Variants in BBX observed in about 807,000 individuals in gnomAD.
BBX encodes the protein HMG box transcription factor BBX.
In BBX, 30 loss-of-function variants were observed where a neutral mutation model predicts 100.2. That is an observed-to-expected ratio of 0.30 (90% CI 0.22 to 0.41). The LOEUF (loss-of-function observed/expected upper bound fraction) is 0.41, where lower values mean the gene tolerates loss of function less well. BBX is among the 10% of genes least tolerant of loss of function. The pLI, the probability that BBX is intolerant of heterozygous loss-of-function variation, is 1.00. For synonymous variants in BBX, 376 were observed against 388.1 expected, an observed-to-expected ratio of 0.97 and a Z score of 0.37; for missense variants, 1,023 against 1,129.8, an observed-to-expected ratio of 0.91 and a Z score of 1.35.
intron 2 of BBX, among the ~76,000 whole-genome samples, chr3:107,584,840 C>T (rs574201142): frequency 3.6e-4 from 54 of 151,490 alleles, no homozygotes; most frequent in Non-Finnish European, 7.4e-4. Context: ...TACAGGCATG[C>T]GCAACCACAC....
chr3:107,553,452 C>G (rs988301705), intron 2 of BBX, among the ~76,000 whole-genome samples: 1 of 152,176 alleles, frequency 6.6e-6, no homozygotes, highest in Admixed American at 6.5e-5. Flanking sequence ...TTCTCCCGTG[C>G]TCCCAAGTAA....
At chr3:107,580,402 AG>A (rs2052183500) in intron 2 of BBX, among the ~76,000 whole-genome samples, 1 of 152,148 alleles carries the variant, frequency 6.6e-6, no homozygotes, top group African/African-American at 2.4e-5. Context: ...ATTGTTATTC[AG>A]TATTATTATA....
intron 2 of BBX, among the ~76,000 whole-genome samples, chr3:107,598,463 T>TA (rs2053818875): frequency 1.3e-5 from 2 of 152,204 alleles, no homozygotes; most frequent in Admixed American, 1.3e-4. Flanking sequence ...AAAGCAGATC[T>TA]AAAATAGCTT....
At chr3:107,706,729 A>T (rs1053692820) in intron 3 of BBX, among the ~76,000 whole-genome samples, 10 of 152,222 alleles carry the variant, frequency 6.6e-5, no homozygotes, top group African/African-American at 2.4e-4. Flanking sequence ...AAACTTTAAA[A>T]TGTGTGGGCT....
chr3:107,618,354 G>C (rs1559880307), intron 2 of BBX, among the ~76,000 whole-genome samples: 1 of 151,922 alleles, frequency 6.6e-6, no homozygotes, highest in East Asian at 1.9e-4. Flanking sequence ...TCTTTGTCTG[G>C]TGTTAGTTCG....
At position 107,810,127 on chromosome 3, in the gene BBX, A is replaced by T. The variant is rs538100180; in HGVS notation, c.*4670A>T. ...CAAAGAAGCAACAAGCGTGAATAAAAAGACAAATGTATTTGACTCCCTCAT... is the reference window on the plus strand; with the variant it reads ...CAAAGAAGCAACAAGCGTGAATAAATAGACAAATGTATTTGACTCCCTCAT... On this transcript the variant is annotated 3_prime_UTR_variant, in exon 18 of 18. Coordinates refer to ENST00000325805, the MANE Select transcript of BBX (RefSeq NM_001142568.3). The T allele has an allele frequency of 1.3e-5, 2 of 152,064 alleles. No individual in the cohort carries two copies. Among genetic ancestry groups the T allele is most frequent in the Non-Finnish European group, 2.9e-5 (2 of 68,004 alleles). 9.4% of individuals were successfully genotyped at this position (152,064 alleles called of 1,614,324 possible). A position where few individuals can be genotyped will look rare whatever the true frequency, so the allele number is the denominator to read the frequency against.
chr3:107,593,011 C>A (rs16853679), intron 2 of BBX, among the ~76,000 whole-genome samples: 29,510 of 152,112 alleles, frequency 0.19, 3,096 homozygotes, highest in African/African-American at 0.27. Context: ...CTTTGTACTT[C>A]TAAAAAGCTA....
intron 5 of BBX, among the ~76,000 whole-genome samples, chr3:107,725,984 A>AGC (rs2062899897): frequency 6.6e-6 from 1 of 151,998 alleles, no homozygotes; most frequent in Non-Finnish European, 1.5e-5. Context: ...AGGATAAGTG[A>AGC]GCTTCTCCTC....
rs865844645 is a variant in BBX, at chr3:107,607,252, A to T, written c.-83-38584A>T. ...GCTGGGATTACAGGTGCCCACCTCC[A>T]TGCCTAGCTAATATTTATATTTTTG... is the stretch of plus-strand genomic sequence containing the variant. On this transcript the variant is annotated intron_variant, in intron 2 of 17. Coordinates refer to ENST00000325805, the MANE Select transcript of BBX (RefSeq NM_001142568.3). 9.9e-5 allele frequency among the ~76,000 whole-genome samples: 15 copies of T among 152,110 alleles called. No homozygotes were observed. In the South Asian group the frequency reaches 1.0e-3, roughly 11 times the overall value.
chr3:107,743,043 T>G (rs2064246139), intron 7 of BBX, among the ~76,000 whole-genome samples: 1 of 152,202 alleles, frequency 6.6e-6, no homozygotes. Context: ...GTATGTCATA[T>G]AGACTTTATG....
In BBX at chr3:107,774,646, C is replaced by G. The variant is rs1246382734; in HGVS notation, c.1916-73C>G. 35 of 1,495,836 alleles carry G rather than the reference C, an allele frequency of 2.3e-5. No individual in the cohort carries two copies. In the South Asian group the frequency reaches 3.4e-4, roughly 14 times the overall value. The allele number at this position is 1,495,836 out of a possible 1,614,324, so 92.7% of individuals were successfully genotyped here. On this transcript the variant is annotated intron_variant, in intron 11 of 17. Coordinates refer to ENST00000325805, the MANE Select transcript of BBX (RefSeq NM_001142568.3). ...ATATGCAAGCAGTCAAGAGGTTGCT[C>G]GTGAAGCAACTAACATCATCTCCCC...
At chr3:107,551,519 A>C (rs897832271) in intron 2 of BBX, among the ~76,000 whole-genome samples, 1 of 152,248 alleles carries the variant, frequency 6.6e-6, no homozygotes, top group African/African-American at 2.4e-5. Context: ...ATCTAGCATA[A>C]ATGTATAAGA....
intron 8 of BBX, among the ~76,000 whole-genome samples, chr3:107,745,836 G>A (rs1049934611): frequency 1.3e-5 from 2 of 152,054 alleles, no homozygotes; most frequent in Admixed American, 1.3e-4. Context: ...CTTAAGAGAT[G>A]ATCCTTGAAC....
At chr3:107,688,586 G>C (rs1346441124) in intron 3 of BBX, among the ~76,000 whole-genome samples, 1 of 152,156 alleles carries the variant, frequency 6.6e-6, no homozygotes, top group Non-Finnish European at 1.5e-5. Context: ...CCAGTGCTGA[G>C]AATGTTATAT....
In BBX at chr3:107,560,818, C is replaced by T. The variant is rs147255170; in HGVS notation, c.-84+34420C>T. 4.4e-3 allele frequency among the ~76,000 whole-genome samples: 677 copies of T among 152,170 alleles called. 5 individuals are homozygous for T. Among genetic ancestry groups the T allele is most frequent in the African/African-American group, 0.016 (645 of 41,494 alleles). ...TTGGGGAAAGTGAGTTTTGGGTTAT[C>T]GGGAATAGCTAGGAGGGAGGTATTC... On this transcript the variant is annotated intron_variant, in intron 2 of 17. Transcript: ENST00000325805.
At chr3:107,767,614 T>C (rs751003355) in intron 10 of BBX, among the ~76,000 whole-genome samples, 1 of 152,192 alleles carries the variant, frequency 6.6e-6, no homozygotes, top group African/African-American at 2.4e-5. Context: ...ATTTCTCAAA[T>C]ACAGACGATT....
chr3:107,580,074 A>G (rs1004798523), intron 2 of BBX, among the ~76,000 whole-genome samples: 1 of 152,094 alleles, frequency 6.6e-6, no homozygotes, highest in Non-Finnish European at 1.5e-5. Context: ...TAAAAAGCCA[A>G]TAATCTTTTA....
chr3:107,672,697 A>G (rs1006405832), intron 3 of BBX, among the ~76,000 whole-genome samples: 1 of 151,984 alleles, frequency 6.6e-6, no homozygotes, highest in Non-Finnish European at 1.5e-5. Flanking sequence ...ATAAGTATTT[A>G]GTTCTCATAT....
intron 7 of BBX, among the ~76,000 whole-genome samples, chr3:107,737,884 GTTTTTTTTTTTTTT>G (rs1156396951): frequency 1.5e-3 from 73 of 48,902 alleles, no homozygotes; most frequent in African/African-American, 2.7e-3. Context: ...CAGAGTTCCA[GTTTTTTTTTTTTTT>G]TTTTTTTTTT....
Sources: gnomAD v4.1 joint callset for allele counts (sites outside exome capture counted in the v4.1 genomes callset) on GRCh38, gnomAD v4.1.1 for gene constraint, MANE v1.5 for transcripts, NCBI Gene and HGNC (gene_info 2026-07-23, HGNC 2026-07-21) for gene names.